The following MMP27 variants were observed in gnomAD, a reference collection of about 807,000 sequenced individuals.
The protein encoded by MMP27 is matrix metalloproteinase-27.
Under a neutral mutation model 48.1 loss-of-function variants are expected in MMP27, and 51 were observed. That is an observed-to-expected ratio of 1.06 (90% CI 0.85 to 1.34). The LOEUF is 1.34. Among genes scored for constraint, MMP27 ranks in the 40% most tolerant of loss-of-function variants. The pLI, the probability that MMP27 is intolerant of heterozygous loss-of-function variation, is 0.00. For missense variants in MMP27, 698 were observed against 619.3 expected, an observed-to-expected ratio of 1.13 and a Z score of -1.35; for synonymous variants, 229 against 208.9, an observed-to-expected ratio of 1.10 and a Z score of -0.83.
intron 4 of MMP27, 133 bp downstream of exon 4, chr11:102,702,620 G>A (rs1326181992): frequency 1.5e-5 from 15 of 1,025,294 alleles, no homozygotes; most frequent in Non-Finnish European, 2.2e-5. Flanking sequence ...CTTCCATCAA[G>A]GTCATCTTGG....
At chr11:102,703,511 G>A (rs1164604429) in intron 2 of MMP27, among the ~76,000 whole-genome samples, 1 of 150,778 alleles carries the variant, frequency 6.6e-6, no homozygotes, top group African/African-American at 2.4e-5. Context: ...TCTTGTGCAT[G>A]TACCATATAT....
At chr11:102,693,674 T>C (rs1860767089) in intron 8 of MMP27, among the ~76,000 whole-genome samples, 1 of 152,012 alleles carries the variant, frequency 6.6e-6, no homozygotes, top group Non-Finnish European at 1.5e-5. Flanking sequence ...TATCAGTTAC[T>C]TGGGGGTTGC....
At position 102,694,041 on chromosome 11, in the gene MMP27, C is replaced by T; in HGVS notation, c.1058G>A (p.Gly353Glu). ...GGGATAATCTGGCAAGACAGCATAT[C>T]CTCTGATCATCCAGAAGTTTTCATC... Reference protein sequence around the residue: ...FKDENFWMIRGYAVLPDYPKS... With the variant: ...FKDENFWMIREYAVLPDYPKS... Residue 353 changes from glycine to glutamate, a missense_variant, in exon 8 of 10, where the codon GGA becomes GAA. Coordinates refer to ENST00000260229, the MANE Select transcript of MMP27 (RefSeq NM_022122.3). The T allele has an allele frequency of 1.3e-6, 2 of 1,594,066 alleles. No homozygotes were observed. Among genetic ancestry groups the T allele is most frequent in the South Asian group, 2.3e-5 (2 of 86,824 alleles).
chr11:102,693,644 G>T (rs139789860), intron 8 of MMP27, among the ~76,000 whole-genome samples: 1 of 152,048 alleles, frequency 6.6e-6, no homozygotes, highest in Non-Finnish European at 1.5e-5. Context: ...TTAGCCAGGC[G>T]TGGTGGCACA....
chr11:102,704,123 C>G (rs946035149), intron 2 of MMP27, among the ~76,000 whole-genome samples: 1 of 152,150 alleles, frequency 6.6e-6, no homozygotes, highest in African/African-American at 2.4e-5. Context: ...GCAACTCTCT[C>G]TCTCACACAC....
At chr11:102,702,679 C>G (rs935652299) in intron 4 of MMP27, 74 bp downstream of exon 4, 37 of 1,483,808 alleles carry the variant, frequency 2.5e-5, no homozygotes, top group Non-Finnish European at 3.2e-5. Flanking sequence ...TAAAAAGCAG[C>G]TAGTTACAAA....
rs61123223 is a variant in MMP27 at position 102,699,503 on chromosome 11, A to T, written c.620-2668T>A. Among the ~76,000 whole-genome samples, 608 of 152,282 alleles carry T rather than the reference A, an allele frequency of 4.0e-3. 24 individuals carry two copies. The East Asian group carries it at 0.087, about 22-fold the overall frequency. On this transcript the variant is annotated intron_variant, in intron 4 of 9. Coordinates refer to ENST00000260229, the MANE Select transcript of MMP27 (RefSeq NM_022122.3). ...TAAATAAATACATACATACATACAT[A>T]AAGTCCATCCCTGGCTTTGCAACTA...
chr11:102,699,644 T>C (rs1255550484), intron 4 of MMP27, among the ~76,000 whole-genome samples: 1 of 152,238 alleles, frequency 6.6e-6, no homozygotes, highest in African/African-American at 2.4e-5. Flanking sequence ...GACACTTTTC[T>C]GCTCTTGCCT....
intron 7 of MMP27, 152 bp from the exon 8 acceptor site, chr11:102,694,217 C>G (rs543731169): frequency 2.0e-5 from 10 of 498,458 alleles, no homozygotes; most frequent in African/African-American, 1.8e-4. Flanking sequence ...CTTTCTTTAG[C>G]TGCTCATATT....
intron 1 of MMP27, among the ~76,000 whole-genome samples, 185 bp downstream of exon 1, chr11:102,705,428 G>T (rs1861028504): frequency 6.6e-6 from 1 of 152,026 alleles, no homozygotes; most frequent in Non-Finnish European, 1.5e-5. Context: ...CCCCCTCCCT[G>T]TGCCAGCCCT....
In MMP27 at chr11:102,705,674, A is replaced by C. The variant is rs748702326; in HGVS notation, c.41T>G (p.Phe14Cys). ...CCGGACTAAGGGAAATGCAGAAGAA[A>C]ATGTTATAAAGAACAAAAACAGAAG... ...LLLLFLFFIT[F>C]SSAFPLVRMT... The change falls in exon 1 of 10, where the codon TTT (phenylalanine) becomes TGT (cysteine). Residue 14 changes from phenylalanine (F) to cysteine (C), a missense_variant. Transcript: ENST00000260229. The C allele has an allele frequency of 3.7e-6, 6 of 1,607,146 alleles. No homozygotes were observed. The highest frequency in any genetic ancestry group is 5.1e-6 in the Non-Finnish European group (6 of 1,177,800).
intron 2 of MMP27, among the ~76,000 whole-genome samples, chr11:102,703,459 A>G (rs1310471870): frequency 1.3e-5 from 2 of 152,198 alleles, no homozygotes; most frequent in African/African-American, 2.4e-5. Context: ...CATTCTTAAA[A>G]AGAACTGAGA....
intron 4 of MMP27, among the ~76,000 whole-genome samples, chr11:102,698,528 G>C (rs1860876894): frequency 6.6e-6 from 1 of 151,912 alleles, no homozygotes; most frequent in Non-Finnish European, 1.5e-5. Flanking sequence ...CAGTATATGT[G>C]ATCATGTTGC....
chr11:102,703,891 G>C (rs1025018022), intron 2 of MMP27, among the ~76,000 whole-genome samples: 2 of 152,140 alleles, frequency 1.3e-5, no homozygotes, highest in African/African-American at 4.8e-5. Flanking sequence ...CGTTTATGTT[G>C]CCTATCTTGC....
intron 4 of MMP27, among the ~76,000 whole-genome samples, chr11:102,702,458 T>G (rs1407810005): frequency 2.6e-5 from 4 of 152,250 alleles, no homozygotes; most frequent in African/African-American, 9.6e-5. Flanking sequence ...CTTACACTTT[T>G]CTAGTACAAC....
chr11:102,700,296 T>C (rs1860916284), intron 4 of MMP27, among the ~76,000 whole-genome samples: 1 of 152,262 alleles, frequency 6.6e-6, no homozygotes, highest in Non-Finnish European at 1.5e-5. Context: ...CTCTGTCTCA[T>C]GGAGATGTGA....
intron 2 of MMP27, among the ~76,000 whole-genome samples, chr11:102,704,280 A>T (rs1176991362): frequency 6.6e-6 from 1 of 152,230 alleles, no homozygotes; most frequent in African/African-American, 2.4e-5. Context: ...AGATGAGAGC[A>T]TGTCTGCTGG....
intron 2 of MMP27, 67 bp downstream of exon 2, chr11:102,704,470 T>A: frequency 8.1e-7 from 1 of 1,232,654 alleles, no homozygotes; most frequent in East Asian, 2.3e-5. Flanking sequence ...TGAATATTAT[T>A]CTGTTCCTTG....
chr11:102,696,969 A>G (rs895956302), intron 4 of MMP27, 134 bp from the exon 5 acceptor site: 1 of 886,408 alleles, frequency 1.1e-6, no homozygotes, highest in Non-Finnish European at 1.7e-6. Flanking sequence ...ATGTACCACC[A>G]TTTATCTGGG....
Sources: gnomAD v4.1 joint callset for allele counts (sites outside exome capture counted in the v4.1 genomes callset) on GRCh38, gnomAD v4.1.1 for gene constraint, MANE v1.5 for transcripts, NCBI Gene and HGNC (gene_info 2026-07-23, HGNC 2026-07-21) for gene names.